CADM2: variants seen among roughly 807,000 people sequenced by gnomAD.
The protein encoded by CADM2 is cell adhesion molecule 2, also known as immunoglobulin superfamily member 4D.
Under a neutral mutation model 49.8 loss-of-function variants are expected in CADM2, and 12 were observed. The observed-to-expected ratio is 0.24, with a 90% CI of 0.15 to 0.39. The LOEUF (loss-of-function observed/expected upper bound fraction) is 0.39, where lower values mean the gene tolerates loss of function less well. CADM2 is among the 10% of genes least tolerant of loss of function. CADM2 has a pLI of 1.00. For missense variants in CADM2, 378 were observed against 492.3 expected, an observed-to-expected ratio of 0.77 and a Z score of 2.20; for synonymous variants, 214 against 175.4, an observed-to-expected ratio of 1.22 and a Z score of -1.74.
chr3:85,347,605 A>G, intron 1 of CADM2, among the ~76,000 whole-genome samples: 1 of 141,506 alleles, frequency 7.1e-6, no homozygotes, highest in East Asian at 2.0e-4. Context: ...ATACATATAT[A>G]TAAAAATATA....
intron 1 of CADM2, among the ~76,000 whole-genome samples, chr3:85,187,223 T>C (rs2041086152): frequency 6.6e-6 from 1 of 152,134 alleles, no homozygotes; most frequent in Non-Finnish European, 1.5e-5. Context: ...AATTGCATGG[T>C]TTTGGAAGCT....
At chr3:85,572,880 C>T (rs1004718551) in intron 1 of CADM2, among the ~76,000 whole-genome samples, 1 of 152,178 alleles carries the variant, frequency 6.6e-6, no homozygotes, top group African/African-American at 2.4e-5. Context: ...TTACCTTTAT[C>T]TCCTCTGGAA....
intron 1 of CADM2, among the ~76,000 whole-genome samples, chr3:85,072,703 CTT>C (rs770242304): frequency 9.2e-5 from 14 of 151,900 alleles, no homozygotes; most frequent in Non-Finnish European, 1.8e-4. Context: ...CATCTACCGT[CTT>C]TTCTTTGTAA....
At chr3:85,851,495 C>CT (rs1379296037) in intron 3 of CADM2, among the ~76,000 whole-genome samples, 2 of 151,756 alleles carry the variant, frequency 1.3e-5, no homozygotes, top group Non-Finnish European at 2.9e-5. Context: ...TTTTGTATCA[C>CT]TTTTTAAAAT....
chr3:85,052,697 C>T (rs1223082110), intron 1 of CADM2, among the ~76,000 whole-genome samples: 4 of 151,970 alleles, frequency 2.6e-5, no homozygotes, highest in Non-Finnish European at 4.4e-5. Flanking sequence ...GTTTTTCAAT[C>T]GTTCCCTTGA....
rs116158059 is a variant in CADM2 at position 84,977,844 on chromosome 3, C to G, written c.61+18176C>G. 5.0e-3 allele frequency among the ~76,000 whole-genome samples: 763 copies of G among 152,148 alleles called. 10 individuals carry two copies. The highest frequency in any genetic ancestry group is 0.017 in the African/African-American group (708 of 41,550). ...CAAAAGCAGTGTCTACGTTTAATTC[C>G]TAAGGTGTCAATCAGCAGGTGTTTC... On this transcript the variant is annotated intron_variant, in intron 1 of 9. Transcript: ENST00000383699.
intron 1 of CADM2, among the ~76,000 whole-genome samples, chr3:85,292,686 A>C (rs1288878585): frequency 6.6e-6 from 1 of 151,858 alleles, no homozygotes; most frequent in East Asian, 1.9e-4. Context: ...CTCCTGAATG[A>C]CTACTGGGTA....
chr3:85,693,542 T>C (rs1229305446), intron 1 of CADM2, among the ~76,000 whole-genome samples: 6 of 131,576 alleles, frequency 4.6e-5, no homozygotes, highest in Admixed American at 8.7e-5. Flanking sequence ...ATAGTGCCAC[T>C]GCAGTCCTGC....
chr3:86,049,550 C>T (rs932914005), intron 8 of CADM2, among the ~76,000 whole-genome samples: 1 of 152,056 alleles, frequency 6.6e-6, no homozygotes, highest in South Asian at 2.1e-4. Context: ...CGTGAGCCAC[C>T]GTGCCTGGCC....
rs114829790 is a variant in CADM2, at chr3:85,909,931, G to A, written c.530-2442G>A. ...CCTAAAATATGAGAAAAGATATTAT[G>A]ATTGGCTCTTCTCAATGTTTTTTCT... On this transcript the variant is annotated intron_variant, in intron 5 of 9. Transcript: ENST00000383699. 3.2e-3 allele frequency among the ~76,000 whole-genome samples: 489 copies of A among 152,230 alleles called. 4 individuals are homozygous for A. Among genetic ancestry groups the A allele is most frequent in the African/African-American group, 0.011 (469 of 41,570 alleles).
At chr3:85,478,252 C>G (rs1425306065) in intron 1 of CADM2, among the ~76,000 whole-genome samples, 1 of 151,708 alleles carries the variant, frequency 6.6e-6, no homozygotes, top group South Asian at 2.1e-4. Context: ...TGAATAAATG[C>G]AAAATATTTG....
chr3:85,782,402 T>G (rs1477367185), intron 2 of CADM2, among the ~76,000 whole-genome samples: 1 of 152,000 alleles, frequency 6.6e-6, no homozygotes, highest in Non-Finnish European at 1.5e-5. Context: ...TCTTGCCGAG[T>G]GAGATGGCTC....
chr3:85,999,617 GAGAA>G (rs747378576), intron 8 of CADM2, among the ~76,000 whole-genome samples: 43 of 148,414 alleles, frequency 2.9e-4, no homozygotes, highest in Non-Finnish European at 5.5e-4. Flanking sequence ...AAGAGAGAAA[GAGAA>G]AGAAAGAAGG....
chr3:85,783,319 CA>C (rs760864909), intron 2 of CADM2, among the ~76,000 whole-genome samples: 1 of 152,190 alleles, frequency 6.6e-6, no homozygotes, highest in South Asian at 2.1e-4. Context: ...ACAGTCAACT[CA>C]AACCACTGAT....
At chr3:85,838,261 C>T (rs1398661926) in intron 3 of CADM2, among the ~76,000 whole-genome samples, 2 of 151,714 alleles carry the variant, frequency 1.3e-5, no homozygotes, top group African/African-American at 2.4e-5. Flanking sequence ...ATCAAACTCA[C>T]CTCATAGGTC....
At chr3:85,582,166 C>T (rs1972993) in intron 1 of CADM2, among the ~76,000 whole-genome samples, 45,101 of 151,834 alleles carry the variant, frequency 0.3, 7,875 homozygotes, top group East Asian at 0.55. Context: ...TCTCATGATC[C>T]GCCTGCCTCA....
rs1188465360 is a variant in CADM2 at position 85,456,825 on chromosome 3, G to GT, written c.62-269690dup. Among the ~76,000 whole-genome samples the GT allele has an allele frequency of 2.9e-5, 4 of 139,578 alleles. No individual in the cohort carries two copies. The East Asian group carries it at 6.3e-4, about 22-fold the overall frequency. 91.6% of individuals were successfully genotyped at this position (139,578 alleles called of 152,430 possible). ...AGATATTAAGTAAAAACAACTATGT[G>GT]TTTTTTTCTTTTTTTTTTTTTCGAA... On this transcript the variant is annotated intron_variant, in intron 1 of 9. Coordinates refer to ENST00000383699, the MANE Select transcript of CADM2 (RefSeq NM_001167675.2).
At chr3:86,038,505 G>A (rs76670236) in intron 8 of CADM2, among the ~76,000 whole-genome samples, 5,709 of 152,124 alleles carry the variant, frequency 0.038, 333 homozygotes, top group African/African-American at 0.13. Flanking sequence ...TAACTCCTTC[G>A]AAACATGTCC....
intron 6 of CADM2, among the ~76,000 whole-genome samples, chr3:85,933,835 G>T (rs1368554432): frequency 6.6e-6 from 1 of 152,046 alleles, no homozygotes; most frequent in African/African-American, 2.4e-5. Context: ...ACGACATCAG[G>T]CAGGAAGATT....
Sources: gnomAD v4.1 joint callset for allele counts (sites outside exome capture counted in the v4.1 genomes callset) on GRCh38, gnomAD v4.1.1 for gene constraint, MANE v1.5 for transcripts, NCBI Gene and HGNC (gene_info 2026-07-23, HGNC 2026-07-21) for gene names.